Variants in MOB3B observed in about 807,000 individuals in gnomAD.
MOB3B encodes MOB kinase activator-like 2B.
A neutral mutation model predicts 18.7 loss-of-function variants in MOB3B; 7 were observed. The observed-to-expected ratio is 0.37, with a 90% CI of 0.21 to 0.70. The LOEUF (loss-of-function observed/expected upper bound fraction) is 0.70, where lower values mean the gene tolerates loss of function less well. MOB3B is among the 30% of genes least tolerant of loss of function. The pLI, the probability that MOB3B is intolerant of heterozygous loss-of-function variation, is 0.52. For synonymous variants in MOB3B, 111 were observed against 99.9 expected (o/e 1.11, Z -0.66); for missense variants, 253 against 281.3 (o/e 0.90, Z 0.72).
chr9:27,444,298 AGGAAGAAAG>A (rs1439469432), intron 2 of MOB3B, among the ~76,000 whole-genome samples: 1 of 97,640 alleles, frequency 1.0e-5, no homozygotes, highest in Non-Finnish European at 2.2e-5. Flanking sequence ...GAAGGAAGGA[AGGAAGAAAG>A]GAAGGAAGAA....
In MOB3B at chr9:27,330,453, G is replaced by A. The variant is rs1399029248; in HGVS notation, c.*134C>T. On this transcript the variant is annotated 3_prime_UTR_variant, in exon 4 of 4. Coordinates refer to ENST00000262244, the MANE Select transcript of MOB3B (RefSeq NM_024761.5). ...AAAGTGAGTGGGGAATGTCTCTCAG[G>A]AGTCACTGCTTGCCTCCACCTCTGC... is the stretch of plus-strand genomic sequence containing the variant. The A allele has an allele frequency of 1.1e-5, 12 of 1,124,046 alleles. No homozygotes were observed. Among genetic ancestry groups the A allele is most frequent in the Non-Finnish European group, 1.5e-5 (12 of 787,602 alleles). The allele number at this position is 1,124,046 out of a possible 1,614,324, so 69.6% of individuals were successfully genotyped here.
chr9:27,475,604 G>T (rs909021124), intron 1 of MOB3B, among the ~76,000 whole-genome samples: 5 of 152,156 alleles, frequency 3.3e-5, no homozygotes, highest in African/African-American at 1.2e-4. Flanking sequence ...ATGAAAAGAA[G>T]TTCATGAAAA....
chr9:27,444,275 G>T (rs1384278673), intron 2 of MOB3B, among the ~76,000 whole-genome samples: 4 of 136,582 alleles, frequency 2.9e-5, no homozygotes, highest in Non-Finnish European at 6.3e-5. Flanking sequence ...AAGGAGGGAG[G>T]GAGGGAGGGA....
intron 3 of MOB3B, among the ~76,000 whole-genome samples, chr9:27,343,526 G>C: frequency 6.8e-6 from 1 of 146,730 alleles, no homozygotes; most frequent in South Asian, 2.2e-4. Context: ...GGCTTTCAGA[G>C]TATGAGAGGA....
intron 1 of MOB3B, among the ~76,000 whole-genome samples, chr9:27,499,369 T>A (rs560861759): frequency 6.6e-6 from 1 of 152,186 alleles, no homozygotes; most frequent in Non-Finnish European, 1.5e-5. Flanking sequence ...AGCAAGCTTA[T>A]TAGGTTCATG....
intron 2 of MOB3B, chr9:27,396,992 C>T (rs376461631): frequency 6.6e-6 from 1 of 152,064 alleles, no homozygotes; most frequent in Admixed American, 6.5e-5. Flanking sequence ...TGGTAAGATG[C>T]CTTCATCATC....
chr9:27,505,954 G>C, intron 1 of MOB3B, among the ~76,000 whole-genome samples: 1 of 152,184 alleles, frequency 6.6e-6, no homozygotes, highest in East Asian at 1.9e-4. Context: ...CCAATTACAC[G>C]CATGGGCTTT....
At chr9:27,420,939 T>C (rs1040873757) in intron 2 of MOB3B, among the ~76,000 whole-genome samples, 2 of 130,048 alleles carry the variant, frequency 1.5e-5, no homozygotes, top group Non-Finnish European at 1.7e-5. Context: ...CAATAACTTA[T>C]GGAAAAAAAG....
At chr9:27,458,522 T>G (rs1233348611) in intron 1 of MOB3B, among the ~76,000 whole-genome samples, 5 of 148,286 alleles carry the variant, frequency 3.4e-5, no homozygotes, top group African/African-American at 1.2e-4. Flanking sequence ...GATATGTTTT[T>G]TTTTTTTTTT....
At chr9:27,454,694 C>A (rs1309865767) in intron 2 of MOB3B, among the ~76,000 whole-genome samples, 1 of 152,210 alleles carries the variant, frequency 6.6e-6, no homozygotes, top group African/African-American at 2.4e-5. Context: ...AGAATTTGAA[C>A]CCCCAGTTTG....
intron 2 of MOB3B, among the ~76,000 whole-genome samples, chr9:27,388,609 C>T (rs1483711980): frequency 6.6e-6 from 1 of 152,092 alleles, no homozygotes; most frequent in Non-Finnish European, 1.5e-5. Context: ...TTATACCTCG[C>T]CACCCCCAAC....
intron 1 of MOB3B, among the ~76,000 whole-genome samples, chr9:27,466,829 A>G (rs1471186765): frequency 6.6e-6 from 1 of 152,148 alleles, no homozygotes; most frequent in African/African-American, 2.4e-5. Flanking sequence ...GGTCCGTCCT[A>G]CAATATGTGG....
At chr9:27,378,240 C>T (rs1356736706) in intron 2 of MOB3B, 1 of 413,000 alleles carries the variant, frequency 2.4e-6, no homozygotes, top group Non-Finnish European at 5.0e-6. Context: ...AGAGTCTTTG[C>T]TTCTAGACTG....
At chr9:27,448,398 A>G (rs1822727276) in intron 2 of MOB3B, among the ~76,000 whole-genome samples, 1 of 152,214 alleles carries the variant, frequency 6.6e-6, no homozygotes, top group Non-Finnish European at 1.5e-5. Flanking sequence ...TAATGGACTT[A>G]CAGTTCCACA....
intron 2 of MOB3B, among the ~76,000 whole-genome samples, chr9:27,392,853 AC>A (rs1821745925): frequency 6.6e-6 from 1 of 152,192 alleles, no homozygotes; most frequent in Admixed American, 6.5e-5. Flanking sequence ...ACTATTAATG[AC>A]CTTACATGGA....
At chr9:27,377,440 C>T (rs1821505460) in intron 2 of MOB3B, among the ~76,000 whole-genome samples, 1 of 152,106 alleles carries the variant, frequency 6.6e-6, no homozygotes, top group South Asian at 2.1e-4. Context: ...GTCATCTGGA[C>T]CTCAAAACTG....
intron 1 of MOB3B, among the ~76,000 whole-genome samples, chr9:27,523,783 T>C (rs972700033): frequency 1.3e-5 from 2 of 152,192 alleles, no homozygotes; most frequent in African/African-American, 2.4e-5. Flanking sequence ...TTTAACAAAA[T>C]TGGAAAAACC....
chr9:27,362,088 C>A (rs1458801983), intron 2 of MOB3B, among the ~76,000 whole-genome samples: 3 of 152,206 alleles, frequency 2.0e-5, no homozygotes, highest in Non-Finnish European at 4.4e-5. Flanking sequence ...CTGTTCCCCC[C>A]ATCTCTGCCA....
intron 2 of MOB3B, among the ~76,000 whole-genome samples, chr9:27,377,166 A>G (rs938721008): frequency 8.5e-5 from 13 of 152,240 alleles, no homozygotes; most frequent in Admixed American, 3.9e-4. Context: ...TGCTATTTTC[A>G]TTAGCCATCA....
Sources: gnomAD v4.1 joint callset for allele counts (sites outside exome capture counted in the v4.1 genomes callset) on GRCh38, gnomAD v4.1.1 for gene constraint, MANE v1.5 for transcripts, NCBI Gene and HGNC (gene_info 2026-07-23, HGNC 2026-07-21) for gene names.